Variants in GMDS observed in about 807,000 individuals in gnomAD.
The protein encoded by GMDS is GDP-mannose 4,6 dehydratase.
GMDS carries 20 observed loss-of-function variants against 49.9 expected under a neutral mutation model. That is an observed-to-expected ratio of 0.40 (90% CI 0.28 to 0.58). The LOEUF (loss-of-function observed/expected upper bound fraction) is 0.58. GMDS is among the 20% of genes least tolerant of loss of function. The pLI is 0.42. For synonymous variants in GMDS, 177 were observed against 178.6 expected (o/e 0.99, Z 0.07); for missense variants, 362 against 481.4 (o/e 0.75, Z 2.32).
chr6:1,914,472 A>G (rs541036755), intron 7 of GMDS, among the ~76,000 whole-genome samples: 11 of 151,932 alleles, frequency 7.2e-5, no homozygotes, highest in African/African-American at 2.2e-4. Context: ...GTCTCAAAAA[A>G]AAAAAAAAGA....
At chr6:2,101,992 CTTAA>C (rs1773951539) in intron 4 of GMDS, among the ~76,000 whole-genome samples, 1 of 152,040 alleles carries the variant, frequency 6.6e-6, no homozygotes, top group East Asian at 1.9e-4. Flanking sequence ...AGGAATGCTA[CTTAA>C]TTAACCATGT....
chr6:2,166,475 G>A (rs897362206), intron 1 of GMDS, among the ~76,000 whole-genome samples: 4 of 151,988 alleles, frequency 2.6e-5, no homozygotes, highest in Admixed American at 2.6e-4. Flanking sequence ...TACAGATGAA[G>A]AAACAAGCTC....
intron 7 of GMDS, among the ~76,000 whole-genome samples, chr6:1,871,183 G>A (rs1345152786): frequency 6.6e-6 from 1 of 152,104 alleles, no homozygotes. Flanking sequence ...GGGAGAACAA[G>A]CTGGGGGACC....
At chr6:1,954,481 G>A (rs369932690) in intron 6 of GMDS, among the ~76,000 whole-genome samples, 5 of 152,206 alleles carry the variant, frequency 3.3e-5, no homozygotes, top group Non-Finnish European at 5.9e-5. Context: ...GCATTTACCC[G>A]CAGTAGAATT....
Position 2,052,131 on chromosome 6 carries a change from G to GAA in GMDS, c.345+63638_345+63639dup, listed in dbSNP as rs576035823. 4.7e-4 allele frequency among the ~76,000 whole-genome samples: 47 copies of GAA among 99,664 alleles called. 1 individual carries two copies. The highest frequency in any genetic ancestry group is 8.7e-4 in the Non-Finnish European group (42 of 48,106). 65.4% of individuals were successfully genotyped at this position (99,664 alleles called of 152,430 possible). A position where few individuals can be genotyped will look rare whatever the true frequency, so the allele number is the denominator to read the frequency against. The stretch of plus-strand genomic sequence containing the variant: ...GACTCTGTCTCAAAAAAAAAAAAAA[G>GAA]AAAAAAAAAAAACAGAAAAGAAAAA... On this transcript the variant is annotated intron_variant, in intron 4 of 10. Transcript: ENST00000380815.
At chr6:2,158,329 C>CT (rs1777212076) in intron 1 of GMDS, among the ~76,000 whole-genome samples, 1 of 152,128 alleles carries the variant, frequency 6.6e-6, no homozygotes, top group African/African-American at 2.4e-5. Flanking sequence ...ATTCATGTAA[C>CT]TGCTCTGGGA....
intron 9 of GMDS, among the ~76,000 whole-genome samples, chr6:1,669,105 C>T (rs983815314): frequency 1.3e-5 from 2 of 152,208 alleles, no homozygotes; most frequent in Non-Finnish European, 2.9e-5. Context: ...AAATGTCTTG[C>T]TGCCCTGATT....
intron 7 of GMDS, among the ~76,000 whole-genome samples, chr6:1,789,298 G>A (rs1769434240): frequency 6.6e-6 from 1 of 152,102 alleles, no homozygotes; most frequent in Non-Finnish European, 1.5e-5. Flanking sequence ...GCCGTATGCT[G>A]ACCTCACTTG....
chr6:1,783,941 T>G (rs1769210776), intron 7 of GMDS, among the ~76,000 whole-genome samples: 1 of 152,104 alleles, frequency 6.6e-6, no homozygotes, highest in African/African-American at 2.4e-5. Context: ...CCCTGGATTT[T>G]GTGATAACTC....
At chr6:2,208,854 T>A (rs1343222338) in intron 1 of GMDS, among the ~76,000 whole-genome samples, 2 of 142,410 alleles carry the variant, frequency 1.4e-5, no homozygotes, top group African/African-American at 2.6e-5. Flanking sequence ...TGGGCTACAT[T>A]AAAAAAAAAA....
chr6:2,075,965 G>T (rs1024807146), intron 4 of GMDS, among the ~76,000 whole-genome samples: 146 of 152,214 alleles, frequency 9.6e-4, no homozygotes, highest in South Asian at 1.9e-3. Context: ...GGTGTGAGAT[G>T]GTATCTCACT....
chr6:2,012,048 T>C (rs1219311009), intron 4 of GMDS, among the ~76,000 whole-genome samples: 2 of 152,046 alleles, frequency 1.3e-5, no homozygotes, highest in Admixed American at 1.3e-4. Context: ...CACTTATAAA[T>C]GGGAGTTAAA....
intron 4 of GMDS, among the ~76,000 whole-genome samples, chr6:2,011,215 A>C (rs1384787167): frequency 1.3e-5 from 2 of 152,150 alleles, no homozygotes; most frequent in African/African-American, 4.8e-5. Context: ...CAACATCTCT[A>C]ATCAGGGAAA....
chr6:2,050,536 G>C (rs1770325077), intron 4 of GMDS, among the ~76,000 whole-genome samples: 1 of 152,174 alleles, frequency 6.6e-6, no homozygotes, highest in South Asian at 2.1e-4. Flanking sequence ...TATGAGGCCA[G>C]CATCATCCTA....
chr6:1,960,705 A>C, intron 5 of GMDS, 69 bp downstream of exon 5: 1 of 1,047,304 alleles, frequency 9.5e-7, no homozygotes, highest in East Asian at 2.4e-5. Context: ...GAATGAAAGG[A>C]AAAACACACA....
intron 1 of GMDS, among the ~76,000 whole-genome samples, chr6:2,185,733 C>G (rs1778749558): frequency 6.6e-6 from 1 of 152,080 alleles, no homozygotes; most frequent in Non-Finnish European, 1.5e-5. Flanking sequence ...AATGTTAAAC[C>G]TAACAAATCC....
At chr6:2,034,562 T>C (rs1769173210) in intron 4 of GMDS, among the ~76,000 whole-genome samples, 1 of 152,196 alleles carries the variant, frequency 6.6e-6, no homozygotes, top group Non-Finnish European at 1.5e-5. Flanking sequence ...TATGTGGATT[T>C]TAATGTCAAC....
intron 6 of GMDS, among the ~76,000 whole-genome samples, chr6:1,939,594 CACACATAT>C (rs70992113): frequency 0.31 from 44,893 of 146,132 alleles, 7,047 homozygotes; most frequent in Non-Finnish European, 0.36. Flanking sequence ...CACACACACA[CACACATAT>C]ACACATACAC....
chr6:1,767,633 T>C (rs1350988426), intron 7 of GMDS, among the ~76,000 whole-genome samples: 1 of 152,226 alleles, frequency 6.6e-6, no homozygotes, highest in Non-Finnish European at 1.5e-5. Flanking sequence ...CTTGAGTCTC[T>C]GGCAGCCGAG....
Sources: allele counts gnomAD v4.1 joint callset (sites outside exome capture counted in the v4.1 genomes callset), GRCh38; gene constraint gnomAD v4.1.1; transcripts MANE v1.5; gene names NCBI Gene and HGNC (gene_info 2026-07-23, HGNC 2026-07-21).